Variants in SPECC1 observed in about 807,000 individuals in gnomAD.
The protein encoded by SPECC1 is cytospin-B.
Under a neutral mutation model 104.1 loss-of-function variants are expected in SPECC1, and 62 were observed. The observed-to-expected ratio is 0.60, with a 90% CI of 0.49 to 0.74. The LOEUF (loss-of-function observed/expected upper bound fraction) is 0.74, where lower values mean the gene tolerates loss of function less well. Ranked by LOEUF, SPECC1 falls within the 30% of genes least tolerant of loss-of-function variation. SPECC1 has a pLI of 0.00. For synonymous variants in SPECC1, 513 were observed against 501.6 expected, an observed-to-expected ratio of 1.02 and a Z score of -0.30; for missense variants, 1,306 against 1,310.5, an observed-to-expected ratio of 1.00 and a Z score of 0.05.
intron 3 of SPECC1, among the ~76,000 whole-genome samples, chr17:20,188,256 C>CT (rs67659304): frequency 1.7e-3 from 252 of 145,988 alleles, no homozygotes; most frequent in Non-Finnish European, 3.0e-3. Flanking sequence ...AAAAGACATC[C>CT]TTTTTTTTTT....
intron 4 of SPECC1, among the ~76,000 whole-genome samples, chr17:20,210,732 A>G (rs1490022480): frequency 6.6e-6 from 1 of 152,202 alleles, no homozygotes; most frequent in African/African-American, 2.4e-5. Context: ...TGATCTGATC[A>G]TGTAGCGCCT....
At chr17:20,158,070 C>T (rs987277099) in intron 3 of SPECC1, among the ~76,000 whole-genome samples, 4 of 152,132 alleles carry the variant, frequency 2.6e-5, no homozygotes, top group Admixed American at 6.5e-5. Context: ...TCACTGAGAT[C>T]CTGGAAATTA....
At chr17:20,289,777 G>A (rs2041095721) in intron 12 of SPECC1, among the ~76,000 whole-genome samples, 2 of 152,126 alleles carry the variant, frequency 1.3e-5, no homozygotes, top group South Asian at 4.1e-4. Context: ...TAGGGGACTC[G>A]GTTGGGGTTG....
intron 3 of SPECC1, among the ~76,000 whole-genome samples, chr17:20,198,225 C>T (rs1355513379): frequency 6.6e-6 from 1 of 152,212 alleles, no homozygotes; most frequent in African/African-American, 2.4e-5. Context: ...CCCAAATGGG[C>T]CCCGTCATCT....
chr17:20,262,767 C>T (rs2040073973), intron 12 of SPECC1, among the ~76,000 whole-genome samples: 4 of 152,170 alleles, frequency 2.6e-5, no homozygotes, highest in African/African-American at 9.7e-5. Context: ...AGTAAATTAG[C>T]AGGGCTGGGA....
At chr17:20,288,046 T>G (rs1206677291) in intron 12 of SPECC1, among the ~76,000 whole-genome samples, 1 of 151,798 alleles carries the variant, frequency 6.6e-6, no homozygotes, top group African/African-American at 2.4e-5. Context: ...GAGAACATAC[T>G]TTGTTTGGTT....
chr17:20,134,294 G>C lies in SPECC1; in HGVS notation c.283+23732G>C, dbSNP rs1422569141. Among the ~76,000 whole-genome samples the C allele has an allele frequency of 2.6e-5, 4 of 151,514 alleles. No homozygotes were observed. The East Asian group carries it at 7.8e-4, about 30-fold the overall frequency. The stretch of plus-strand genomic sequence containing the variant: ...ATGGCTGCCAGTATCCTCAATTTAT[G>C]TACCTATTTGCTCAATATAACCAGT... On this transcript the variant is annotated intron_variant, in intron 3 of 14. Coordinates refer to ENST00000395527, the MANE Select transcript of SPECC1 (RefSeq NM_001243439.2).
At chr17:20,082,595 C>G (rs1191467123) in intron 1 of SPECC1, among the ~76,000 whole-genome samples, 3 of 151,652 alleles carry the variant, frequency 2.0e-5, no homozygotes, top group Non-Finnish European at 4.4e-5. Context: ...GACCCTGTCT[C>G]AAACTATATG....
At chr17:20,289,232 C>T (rs1399336187) in intron 12 of SPECC1, among the ~76,000 whole-genome samples, 1 of 152,172 alleles carries the variant, frequency 6.6e-6, no homozygotes, top group African/African-American at 2.4e-5. Flanking sequence ...ATTCAGTTAC[C>T]TCCCCCTGGG....
At chr17:20,021,144 C>G (rs1159092285) in intron 1 of SPECC1, among the ~76,000 whole-genome samples, 1 of 151,464 alleles carries the variant, frequency 6.6e-6, no homozygotes, top group Non-Finnish European at 1.5e-5. Context: ...TCCTTGTCAT[C>G]TTCATGTTGA....
intron 3 of SPECC1, among the ~76,000 whole-genome samples, chr17:20,164,353 G>A (rs2033453565): frequency 1.3e-5 from 2 of 151,832 alleles, no homozygotes; most frequent in Admixed American, 6.6e-5. Flanking sequence ...TTTTGGTGCA[G>A]ACGGGGTCTC....
At chr17:20,304,284 C>T (rs1339286067) in intron 13 of SPECC1, among the ~76,000 whole-genome samples, 2 of 151,850 alleles carry the variant, frequency 1.3e-5, no homozygotes, top group Non-Finnish European at 2.9e-5. Flanking sequence ...GGCGAGATTC[C>T]ATCTCAAAAA....
intron 3 of SPECC1, among the ~76,000 whole-genome samples, chr17:20,174,673 G>A (rs2151195862): frequency 6.6e-6 from 1 of 152,186 alleles, no homozygotes; most frequent in Middle Eastern, 3.4e-3. Flanking sequence ...CAGCAGTCTT[G>A]CCCTTCATTT....
intron 1 of SPECC1, among the ~76,000 whole-genome samples, chr17:20,048,135 T>TA (rs2045607510): frequency 1.4e-5 from 2 of 145,978 alleles, no homozygotes; most frequent in African/African-American, 5.2e-5. Flanking sequence ...GAGAAATGAG[T>TA]CTTTTTTTTT....
chr17:20,238,186 AT>A (rs2039022598), intron 7 of SPECC1: 54 of 1,036,266 alleles, frequency 5.2e-5, no homozygotes, highest in Non-Finnish European at 6.0e-5. Flanking sequence ...AAAGGATGTT[AT>A]TAAGCCGGAT....
At chr17:20,297,951 A>C (rs1224829825) in intron 13 of SPECC1, among the ~76,000 whole-genome samples, 1 of 152,244 alleles carries the variant, frequency 6.6e-6, no homozygotes, top group African/African-American at 2.4e-5. Flanking sequence ...GTAAAATTAT[A>C]AATTAGCAAG....
chr17:20,134,893 A>G (rs968759755), intron 3 of SPECC1, among the ~76,000 whole-genome samples: 4 of 152,224 alleles, frequency 2.6e-5, no homozygotes, highest in African/African-American at 7.2e-5. Flanking sequence ...AACAAGTTTT[A>G]TGTTCCAGAA....
In SPECC1 at chr17:20,169,118, C is replaced by T. The variant is rs147782734; in HGVS notation, c.284-35215C>T. 6.8e-3 allele frequency among the ~76,000 whole-genome samples: 1,030 copies of T among 152,270 alleles called. 11 individuals carry two copies. The highest frequency in any genetic ancestry group is 0.024 in the African/African-American group (981 of 41,552). On this transcript the variant is annotated intron_variant, in intron 3 of 14. Coordinates refer to ENST00000395527, the MANE Select transcript of SPECC1 (RefSeq NM_001243439.2). ...GAACTCCTGAGCTCAAGTGAGCCACCCACCTCAGCCTCTCAAAGTACTGAG... is the reference window on the plus strand; with the variant it reads ...GAACTCCTGAGCTCAAGTGAGCCACTCACCTCAGCCTCTCAAAGTACTGAG...
chr17:20,121,215 AC>A (rs1009613727), intron 3 of SPECC1, among the ~76,000 whole-genome samples: 3 of 152,120 alleles, frequency 2.0e-5, no homozygotes, highest in Non-Finnish European at 4.4e-5. Flanking sequence ...TAGACCAGGA[AC>A]CTTGGCTTTG....
Sources: gnomAD v4.1 joint callset for allele counts (sites outside exome capture counted in the v4.1 genomes callset) on GRCh38, gnomAD v4.1.1 for gene constraint, MANE v1.5 for transcripts, NCBI Gene and HGNC (gene_info 2026-07-23, HGNC 2026-07-21) for gene names.